Variants in RNF13 observed in about 807,000 individuals in gnomAD.
RNF13 encodes ring finger protein 13.
In RNF13, 19 loss-of-function variants were observed where a neutral mutation model predicts 37.7. That is an observed-to-expected ratio of 0.50 (90% CI 0.35 to 0.74). The LOEUF (loss-of-function observed/expected upper bound fraction) is 0.74, where lower values mean the gene tolerates loss of function less well. RNF13 is among the 30% of genes least tolerant of loss of function. The pLI, the probability that RNF13 is intolerant of heterozygous loss-of-function variation, is 0.01. For synonymous variants in RNF13, 144 were observed against 157.8 expected (o/e 0.91, Z 0.65); for missense variants, 375 against 453.0 (o/e 0.83, Z 1.56).
intron 5 of RNF13, among the ~76,000 whole-genome samples, chr3:149,900,447 G>A (rs919349232): frequency 2.6e-5 from 4 of 151,840 alleles, no homozygotes; most frequent in Non-Finnish European, 1.5e-5. Flanking sequence ...ATGCAATAAT[G>A]CCTGTAGCCC....
chr3:149,816,527 T>G (rs1719470784), intron 1 of RNF13, among the ~76,000 whole-genome samples: 3 of 151,824 alleles, frequency 2.0e-5, no homozygotes, highest in Admixed American at 6.6e-5. Flanking sequence ...CCTTTTTTTT[T>G]TTTTCATTGA....
chr3:149,849,019 T>A (rs545152713), intron 2 of RNF13, among the ~76,000 whole-genome samples: 1 of 152,330 alleles, frequency 6.6e-6, no homozygotes, highest in East Asian at 1.9e-4. Flanking sequence ...TTTTGTACCA[T>A]CACATTTTCT....
At chr3:149,835,193 T>G (rs1048132659) in intron 1 of RNF13, among the ~76,000 whole-genome samples, 13 of 152,168 alleles carry the variant, frequency 8.5e-5, no homozygotes, top group Admixed American at 6.5e-5. Flanking sequence ...TAAAACTTCT[T>G]GTGCATTGAA....
At position 149,961,344 on chromosome 3, in the gene RNF13, A is replaced by AAAG. The variant is rs1491157437; in HGVS notation, c.*241_*243dup. ...TCAATTCAGCTCTTCTTTTGGAATGAAAGTATAGCCAAAACATAAAAAAAA... is the reference window on the plus strand; with the variant it reads ...TCAATTCAGCTCTTCTTTTGGAATGAAAGAAGTATAGCCAAAACATAAAAAAAA... On this transcript the variant is annotated 3_prime_UTR_variant, in exon 10 of 10. Transcript: ENST00000392894. 2 of 644,498 alleles carry AAAG rather than the reference A, an allele frequency of 3.1e-6. No homozygotes were observed. Among genetic ancestry groups the AAAG allele is most frequent in the Admixed American group, 4.4e-5 (2 of 45,304 alleles). 39.9% of individuals were successfully genotyped at this position (644,498 alleles called of 1,614,324 possible).
At chr3:149,852,004 T>G (rs1224088735) in intron 2 of RNF13, among the ~76,000 whole-genome samples, 1 of 152,206 alleles carries the variant, frequency 6.6e-6, no homozygotes, top group Non-Finnish European at 1.5e-5. Context: ...TTCATTGAAT[T>G]TGGTCTTTTC....
At chr3:149,857,145 C>A (rs557635748) in intron 3 of RNF13, among the ~76,000 whole-genome samples, 1 of 152,242 alleles carries the variant, frequency 6.6e-6, no homozygotes, top group East Asian at 1.9e-4. Context: ...TATAACATCC[C>A]TGGATTCCAT....
chr3:149,825,132 T>C (rs1320572945), intron 1 of RNF13, among the ~76,000 whole-genome samples: 2 of 151,820 alleles, frequency 1.3e-5, no homozygotes, highest in Non-Finnish European at 2.9e-5. Context: ...CTAATTTTTG[T>C]ATTTTTTGTA....
chr3:149,889,511 G>A (rs1714454275), intron 4 of RNF13, among the ~76,000 whole-genome samples: 1 of 148,358 alleles, frequency 6.7e-6, no homozygotes, highest in Non-Finnish European at 1.5e-5. Flanking sequence ...CACCTTGTTG[G>A]CCAGGATGGT....
chr3:149,939,059 ACATAAT>A (rs1177831171), intron 8 of RNF13: 1 of 496,146 alleles, frequency 2.0e-6, no homozygotes, highest in African/African-American at 2.0e-5. Context: ...AGCACTCCTC[ACATAAT>A]TGATGAACTG....
At chr3:149,901,649 C>T (rs920407829) in intron 5 of RNF13, among the ~76,000 whole-genome samples, 1 of 152,096 alleles carries the variant, frequency 6.6e-6, no homozygotes, top group African/African-American at 2.4e-5. Context: ...TTCTTATATT[C>T]TCTGGCTTAT....
chr3:149,960,200 C>T (rs1722251208), intron 9 of RNF13, 64 bp downstream of exon 9: 1 of 1,120,936 alleles, frequency 8.9e-7, no homozygotes, highest in South Asian at 1.3e-5. Context: ...TTCCATATTC[C>T]AGGGGAAGAG....
intron 8 of RNF13, among the ~76,000 whole-genome samples, chr3:149,937,515 G>T (rs952207492): frequency 1.3e-5 from 2 of 152,122 alleles, no homozygotes; most frequent in African/African-American, 4.8e-5. Context: ...TGTTGTCACT[G>T]TATAGTTGTT....
intron 1 of RNF13, among the ~76,000 whole-genome samples, chr3:149,819,033 A>G (rs1340106760): frequency 3.9e-5 from 6 of 152,264 alleles, no homozygotes; most frequent in Non-Finnish European, 7.3e-5. Flanking sequence ...GTGTCACCCA[A>G]CATTCCCACT....
At chr3:149,816,880 A>G (rs1288749658) in intron 1 of RNF13, among the ~76,000 whole-genome samples, 1 of 152,210 alleles carries the variant, frequency 6.6e-6, no homozygotes, top group African/African-American at 2.4e-5. Flanking sequence ...ATCGTAGTGA[A>G]GGTATAGATT....
At chr3:149,869,138 G>A (rs1360896376) in intron 3 of RNF13, among the ~76,000 whole-genome samples, 1 of 151,544 alleles carries the variant, frequency 6.6e-6, no homozygotes, top group Non-Finnish European at 1.5e-5. Context: ...AGCCTTTAAT[G>A]AATTTTTCAG....
At chr3:149,955,669 T>C (rs1252947555) in intron 8 of RNF13, among the ~76,000 whole-genome samples, 1 of 152,178 alleles carries the variant, frequency 6.6e-6, no homozygotes, top group Non-Finnish European at 1.5e-5. Context: ...AACTCATGAC[T>C]CTAATGATGC....
chr3:149,900,728 T>C (rs2108500377), intron 5 of RNF13, among the ~76,000 whole-genome samples: 1 of 152,338 alleles, frequency 6.6e-6, no homozygotes, highest in Non-Finnish European at 1.5e-5. Flanking sequence ...TAAAATTTTA[T>C]TGATCATGTT....
chr3:149,870,628 A>T (rs543481017), intron 3 of RNF13, among the ~76,000 whole-genome samples: 20 of 152,008 alleles, frequency 1.3e-4, no homozygotes, highest in African/African-American at 4.1e-4. Context: ...TCAGAGCAGG[A>T]TGCAAATTTA....
At chr3:149,930,010 C>T (rs1719012132) in intron 8 of RNF13, among the ~76,000 whole-genome samples, 2 of 152,160 alleles carry the variant, frequency 1.3e-5, no homozygotes. Flanking sequence ...ACTGCAACCT[C>T]CGCCTCCCAG....
Sources: allele counts gnomAD v4.1 joint callset (sites outside exome capture counted in the v4.1 genomes callset), GRCh38; gene constraint gnomAD v4.1.1; transcripts MANE v1.5; gene names NCBI Gene and HGNC (gene_info 2026-07-23, HGNC 2026-07-21).